The following RAB38 variants were observed in gnomAD, a reference collection of about 807,000 sequenced individuals.
The protein encoded by RAB38 is RAB38, member RAS oncogene family.
A neutral mutation model predicts 18.4 loss-of-function variants in RAB38; 15 were observed. That is an observed-to-expected ratio of 0.82 (90% CI 0.55 to 1.26). The LOEUF is 1.26. Ranked by LOEUF, RAB38 falls within the 50% of genes most tolerant of loss-of-function variation. The probability of loss-of-function intolerance (pLI) is 0.00; values close to 1 mark genes in which losing one functional copy is unlikely to be tolerated. For missense variants in RAB38, 294 were observed against 267.4 expected, an observed-to-expected ratio of 1.10 and a Z score of -0.69; for synonymous variants, 101 against 104.4, an observed-to-expected ratio of 0.97 and a Z score of 0.20.
intron 2 of RAB38, among the ~76,000 whole-genome samples, chr11:88,138,095 T>C (rs753589682): frequency 1.3e-5 from 2 of 151,960 alleles, no homozygotes; most frequent in Non-Finnish European, 2.9e-5. Flanking sequence ...AAGCAGGCAA[T>C]CCCACACACA....
the RAB38 span, among the ~76,000 whole-genome samples, chr11:88,028,563 C>A: frequency 6.6e-6 from 1 of 152,008 alleles, no homozygotes; most frequent in African/African-American, 2.4e-5. Context: ...AGCCAAGGCT[C>A]GAAAACTACA....
chr11:88,123,082 G>T (rs1382142846), intron 2 of RAB38, among the ~76,000 whole-genome samples: 1 of 152,176 alleles, frequency 6.6e-6, no homozygotes, highest in Non-Finnish European at 1.5e-5. Flanking sequence ...GTCCTCCAAT[G>T]AATACAATCT....
At position 88,143,519 on chromosome 11, in the gene RAB38, A is replaced by G. The variant is rs564711081; in HGVS notation, c.483+6156T>C. Among the ~76,000 whole-genome samples the G allele has an allele frequency of 3.3e-5, 5 of 151,670 alleles. No homozygotes were observed. In the South Asian group the frequency reaches 1.1e-3, roughly 32 times the overall value. On this transcript the variant is annotated intron_variant, in intron 2 of 2. Transcript: ENST00000243662. ...GCAGGCCATATTTGGCCCACAGATC[A>G]TAGTTTGCTAATGCATGTTCTAAGG...
chr11:87,951,824 C>A, the RAB38 span, among the ~76,000 whole-genome samples: 1,749 of 152,224 alleles, frequency 0.011, 22 homozygotes, highest in Middle Eastern at 0.068. Flanking sequence ...GGGTGCCTCC[C>A]AGTTAGGCTA....
At chr11:88,063,116 G>T in the RAB38 span, among the ~76,000 whole-genome samples, 4 of 152,280 alleles carry the variant, frequency 2.6e-5, no homozygotes, top group African/African-American at 9.6e-5. Flanking sequence ...TATCAAGAGA[G>T]AGTCATGGTG....
chr11:87,925,693 G>A, the RAB38 span, among the ~76,000 whole-genome samples: 1 of 152,004 alleles, frequency 6.6e-6, no homozygotes, highest in African/African-American at 2.4e-5. Context: ...CTTCCTTGAG[G>A]GGACCAGTGG....
At chr11:88,068,027 A>T in the RAB38 span, among the ~76,000 whole-genome samples, 2 of 147,848 alleles carry the variant, frequency 1.4e-5, no homozygotes, top group Non-Finnish European at 3.0e-5. Flanking sequence ...TATATATATA[A>T]CAAAAAGAAC....
At chr11:88,120,250 T>C (rs1415900224) in intron 2 of RAB38, among the ~76,000 whole-genome samples, 1 of 152,208 alleles carries the variant, frequency 6.6e-6, no homozygotes, top group African/African-American at 2.4e-5. Flanking sequence ...AAAAGTGAAG[T>C]CCAGAGAAAC....
chr11:87,936,962 TTTC>T, the RAB38 span, among the ~76,000 whole-genome samples: 1 of 152,060 alleles, frequency 6.6e-6, no homozygotes, highest in Non-Finnish European at 1.5e-5. Context: ...TGCATTTTCA[TTTC>T]TTTCCTTGCC....
At chr11:87,897,792 C>G in the RAB38 span, among the ~76,000 whole-genome samples, 2 of 151,518 alleles carry the variant, frequency 1.3e-5, no homozygotes, top group Admixed American at 1.3e-4. Context: ...CTTTTCAGCT[C>G]CAGGATAAAA....
chr11:88,155,593 A>G (rs991208252), intron 1 of RAB38, among the ~76,000 whole-genome samples: 1 of 152,228 alleles, frequency 6.6e-6, no homozygotes, highest in African/African-American at 2.4e-5. Context: ...TTTCCAAATG[A>G]AAAGGAAAAA....
chr11:87,950,848 C>G, the RAB38 span, among the ~76,000 whole-genome samples: 5 of 152,182 alleles, frequency 3.3e-5, no homozygotes, highest in Non-Finnish European at 7.3e-5. Context: ...CTTGGTGAAT[C>G]AGACAATTAT....
rs1942506689 is a variant in RAB38, at chr11:88,113,754, C to T, written c.*234G>A. 2.0e-6 allele frequency: 1 copy of T among 502,612 alleles called. No homozygotes were observed. Among genetic ancestry groups the T allele is most frequent in the Non-Finnish European group, 3.5e-6 (1 of 289,806 alleles). 31.1% of individuals were successfully genotyped at this position (502,612 alleles called of 1,614,324 possible). On this transcript the variant is annotated 3_prime_UTR_variant, in exon 3 of 3. Transcript: ENST00000243662. ...TGCAGGATTTTGGTCAGCTACATGA[C>T]AGAAGTTTGTAACAGACTAAATATT...
At chr11:87,824,077 G>C in the RAB38 span, among the ~76,000 whole-genome samples, 8 of 152,248 alleles carry the variant, frequency 5.3e-5, no homozygotes, top group African/African-American at 1.9e-4. Context: ...AGAGCAATTT[G>C]CCTCCAAAAT....
chr11:88,121,487 C>G lies in RAB38; in HGVS notation c.484-7347G>C, dbSNP rs1298421752. Among the ~76,000 whole-genome samples the G allele has an allele frequency of 2.6e-5, 4 of 152,214 alleles. No homozygotes were observed. In the East Asian group the frequency reaches 7.7e-4, roughly 29 times the overall value. On this transcript the variant is annotated intron_variant, in intron 2 of 2. Transcript: ENST00000243662. ...CCTGGTTTTGCAGCCCATGTTCAGA[C>G]ACTCATAATACAATCCCTGAAAGTT...
At chr11:87,882,435 A>G in the RAB38 span, among the ~76,000 whole-genome samples, 3 of 151,854 alleles carry the variant, frequency 2.0e-5, no homozygotes, top group Non-Finnish European at 4.4e-5. Context: ...TAGAGAACCT[A>G]TATTTTCATT....
the RAB38 span, among the ~76,000 whole-genome samples, chr11:88,055,246 C>A: frequency 4.6e-5 from 7 of 152,160 alleles, no homozygotes; most frequent in Non-Finnish European, 1.0e-4. Flanking sequence ...AGATGCCCAT[C>A]TCTTTAAAAA....
At chr11:87,952,540 C>T in the RAB38 span, among the ~76,000 whole-genome samples, 23 of 152,246 alleles carry the variant, frequency 1.5e-4, no homozygotes, top group East Asian at 7.7e-4. Context: ...CTGCATTGGG[C>T]AGGGCAATGG....
intron 1 of RAB38, among the ~76,000 whole-genome samples, chr11:88,154,043 A>T (rs1943095781): frequency 6.6e-6 from 1 of 152,230 alleles, no homozygotes; most frequent in African/African-American, 2.4e-5. Flanking sequence ...AAGCTCAGGT[A>T]TGTGAGAGAG....
Sources: allele counts gnomAD v4.1 joint callset (sites outside exome capture counted in the v4.1 genomes callset), GRCh38; gene constraint gnomAD v4.1.1; transcripts MANE v1.5; gene names NCBI Gene and HGNC (gene_info 2026-07-23, HGNC 2026-07-21).